Variants in ADGRL3 observed in about 807,000 individuals in gnomAD.
ADGRL3 encodes the protein calcium-independent alpha-latrotoxin receptor 3.
ADGRL3 carries 62 observed loss-of-function variants against 153.5 expected under a neutral mutation model. The observed-to-expected ratio is 0.40, with a 90% CI of 0.33 to 0.50. The LOEUF is 0.50. Ranked by LOEUF, ADGRL3 falls within the 20% of genes least tolerant of loss-of-function variation. The pLI, the probability that ADGRL3 is intolerant of heterozygous loss-of-function variation, is 0.47. For missense variants in ADGRL3, 1,641 were observed against 1,859.4 expected (o/e 0.88, Z 2.16); for synonymous variants, 710 against 672.5 (o/e 1.06, Z -0.86).
intron 6 of ADGRL3, among the ~76,000 whole-genome samples, chr4:61,691,812 T>C (rs2151138755): frequency 6.6e-6 from 1 of 152,296 alleles, no homozygotes; most frequent in African/African-American, 2.4e-5. Context: ...CATTGACTAG[T>C]GTTCATGTCT....
intron 1 of ADGRL3, among the ~76,000 whole-genome samples, chr4:61,235,467 G>A (rs1752454736): frequency 6.6e-6 from 1 of 152,174 alleles, no homozygotes; most frequent in South Asian, 2.1e-4. Context: ...AGAGCTTGTA[G>A]ACTAAAGTGT....
intron 3 of ADGRL3, among the ~76,000 whole-genome samples, chr4:61,512,301 G>A (rs2098467602): frequency 6.6e-6 from 1 of 152,116 alleles, no homozygotes; most frequent in Non-Finnish European, 1.5e-5. Context: ...GTCATAGGTA[G>A]TAGGACTGGT....
At chr4:62,057,786 T>G (rs1245056232) in intron 25 of ADGRL3, among the ~76,000 whole-genome samples, 1 of 152,124 alleles carries the variant, frequency 6.6e-6, no homozygotes, top group Non-Finnish European at 1.5e-5. Flanking sequence ...CAGGTGATCC[T>G]CCTGCCTCAG....
chr4:61,232,179 T>A (rs1216590838), intron 1 of ADGRL3, among the ~76,000 whole-genome samples: 2 of 152,114 alleles, frequency 1.3e-5, no homozygotes, highest in Admixed American at 1.3e-4. Context: ...AATGATCAAA[T>A]TTTTAAGCTT....
intron 1 of ADGRL3, among the ~76,000 whole-genome samples, chr4:61,232,867 G>A (rs1273985327): frequency 6.6e-6 from 1 of 152,122 alleles, no homozygotes; most frequent in Non-Finnish European, 1.5e-5. Context: ...TATAGCCAAA[G>A]TGGGAGGCAA....
intron 17 of ADGRL3, among the ~76,000 whole-genome samples, chr4:61,976,581 C>G (rs1395750504): frequency 6.6e-6 from 1 of 152,048 alleles, no homozygotes; most frequent in Non-Finnish European, 1.5e-5. Context: ...AGAAAAAACC[C>G]TCTGTGAGAA....
At chr4:61,215,701 G>A (rs909726354) in intron 1 of ADGRL3, among the ~76,000 whole-genome samples, 2 of 151,608 alleles carry the variant, frequency 1.3e-5, no homozygotes, top group African/African-American at 4.8e-5. Context: ...GCAGGCGCCC[G>A]CCACCACGCC....
At chr4:61,625,719 A>T (rs2092791859) in intron 5 of ADGRL3, among the ~76,000 whole-genome samples, 1 of 152,092 alleles carries the variant, frequency 6.6e-6, no homozygotes, top group Admixed American at 6.5e-5. Flanking sequence ...ATACAGGATG[A>T]CACTGGTAAA....
At chr4:61,385,731 TG>T (rs1472371004) in intron 2 of ADGRL3, 2 of 152,326 alleles carry the variant, frequency 1.3e-5, no homozygotes, top group African/African-American at 4.8e-5. Context: ...TGCCTGAGCA[TG>T]TTTTGTATAT....
rs1560622534 is a variant in ADGRL3, at chr4:61,432,573, C to CTTTCTTTCTTTCTTTCTTTCTTTTT, written c.-174+49384_-174+49385insTTTCTTTCTTTCTTTCTTTCTTTTT. Among the ~76,000 whole-genome samples, 8 of 35,864 alleles carry CTTTCTTTCTTTCTTTCTTTCTTTTT rather than the reference C, an allele frequency of 2.2e-4. 1 individual carries two copies. Among genetic ancestry groups the CTTTCTTTCTTTCTTTCTTTCTTTTT allele is most frequent in the Admixed American group, 9.9e-4 (3 of 3,032 alleles). The allele number at this position is 35,864 out of a possible 152,430, so 23.5% of individuals were successfully genotyped here. A position where few individuals can be genotyped will look rare whatever the true frequency, so the allele number is the denominator to read the frequency against. On this transcript the variant is annotated intron_variant, in intron 2 of 26. Transcript: ENST00000683033. ...TTTATAGATTTCTTTTCTTTCTCTT[C>CTTTCTTTCTTTCTTTCTTTCTTTTT]CTTTCTTTCTTTCTTTCTTTCTTTC... is the stretch of plus-strand genomic sequence containing the variant.
intron 9 of ADGRL3, among the ~76,000 whole-genome samples, chr4:61,849,328 G>A (rs946479635): frequency 4.0e-5 from 6 of 151,796 alleles, no homozygotes; most frequent in Admixed American, 1.3e-4. Context: ...TTTTAGCAGT[G>A]CATTACCAAT....
intron 2 of ADGRL3, among the ~76,000 whole-genome samples, chr4:61,435,898 A>C (rs1207401141): frequency 2.0e-5 from 3 of 151,402 alleles, no homozygotes; most frequent in Non-Finnish European, 4.4e-5. Context: ...ATTTTTAGTT[A>C]GTATTTCTAC....
At chr4:61,750,682 T>C (rs1405854139) in intron 8 of ADGRL3, among the ~76,000 whole-genome samples, 100 of 149,334 alleles carry the variant, frequency 6.7e-4, no homozygotes, top group Admixed American at 9.3e-4. Flanking sequence ...CCCAGCTACT[T>C]GGGAGGCTGA....
chr4:61,696,440 T>G (rs2151220200), intron 6 of ADGRL3, among the ~76,000 whole-genome samples: 1 of 152,256 alleles, frequency 6.6e-6, no homozygotes, highest in East Asian at 1.9e-4. Flanking sequence ...ACTGTATTTC[T>G]TTTCTTTACC....
chr4:61,254,882 G>C (rs2091809997), intron 1 of ADGRL3, among the ~76,000 whole-genome samples: 1 of 151,830 alleles, frequency 6.6e-6, no homozygotes, highest in South Asian at 2.1e-4. Flanking sequence ...TTTATTTTTT[G>C]TCTTTCAGTA....
intron 8 of ADGRL3, among the ~76,000 whole-genome samples, chr4:61,790,965 T>A (rs2097334510): frequency 1.3e-5 from 2 of 152,140 alleles, no homozygotes; most frequent in Non-Finnish European, 2.9e-5. Flanking sequence ...CATGATTCAG[T>A]TACCTCCCAC....
chr4:61,364,968 C>A (rs1273831864), intron 1 of ADGRL3, among the ~76,000 whole-genome samples: 1 of 152,030 alleles, frequency 6.6e-6, no homozygotes, highest in Non-Finnish European at 1.5e-5. Context: ...TTGTGACAAA[C>A]CTTAGCCTGA....
At chr4:61,260,503 TA>T (rs1457499715) in intron 1 of ADGRL3, among the ~76,000 whole-genome samples, 4 of 152,204 alleles carry the variant, frequency 2.6e-5, no homozygotes, top group African/African-American at 9.7e-5. Context: ...TTTTGACATT[TA>T]CTGCCTTTCT....
At chr4:61,601,114 A>T (rs1315940719) in intron 5 of ADGRL3, among the ~76,000 whole-genome samples, 1 of 152,132 alleles carries the variant, frequency 6.6e-6, no homozygotes, top group Non-Finnish European at 1.5e-5. Context: ...TTTCTATATA[A>T]GAATGTTGTT....
Sources: gnomAD v4.1 joint callset for allele counts (sites outside exome capture counted in the v4.1 genomes callset) on GRCh38, gnomAD v4.1.1 for gene constraint, MANE v1.5 for transcripts, NCBI Gene and HGNC (gene_info 2026-07-23, HGNC 2026-07-21) for gene names.